Variants in DLGAP2 observed in about 807,000 individuals in gnomAD.
DLGAP2 encodes the protein DLG associated protein 2.
Under a neutral mutation model 100.3 loss-of-function variants are expected in DLGAP2, and 26 were observed. The ratio of observed to expected loss-of-function variants is 0.26; its 90% CI spans 0.19 to 0.36. The LOEUF (loss-of-function observed/expected upper bound fraction) is 0.36. Among genes scored for constraint, DLGAP2 ranks in the 10% least tolerant of loss-of-function variants. The pLI is 1.00. For missense variants in DLGAP2, 1,858 were observed against 1,453.2 expected, an observed-to-expected ratio of 1.28 and a Z score of -4.53; for synonymous variants, 886 against 630.1, an observed-to-expected ratio of 1.41 and a Z score of -6.08.
intron 2 of DLGAP2, among the ~76,000 whole-genome samples, chr8:908,787 A>G (rs995184777): frequency 1.3e-5 from 2 of 152,178 alleles, no homozygotes; most frequent in African/African-American, 2.4e-5. Context: ...TCTAAAAGCA[A>G]TCGTGTGCTG....
At chr8:1,538,052 G>C (rs1336311162) in intron 4 of DLGAP2, among the ~76,000 whole-genome samples, 1 of 152,166 alleles carries the variant, frequency 6.6e-6, no homozygotes, top group African/African-American at 2.4e-5. Context: ...CTGCATTTGA[G>C]GATGAGAAGC....
chr8:975,067 C>T lies in DLGAP2; in HGVS notation c.73+67101C>T, dbSNP rs191677076. Among the ~76,000 whole-genome samples, 68 of 152,226 alleles carry T rather than the reference C, an allele frequency of 4.5e-4. No homozygotes were observed. In the East Asian group the frequency reaches 0.012, roughly 26 times the overall value. On this transcript the variant is annotated intron_variant, in intron 2 of 14. Coordinates refer to ENST00000637795, the MANE Select transcript of DLGAP2 (RefSeq NM_001346810.2). ...CAGAAATGAAAGAAGGGCCATCAGT[C>T]CTGATTCCAGGAACATTAAAAAGAT...
At chr8:967,763 G>A (rs1255837443) in intron 2 of DLGAP2, among the ~76,000 whole-genome samples, 1 of 58,360 alleles carries the variant, frequency 1.7e-5, no homozygotes, top group Admixed American at 2.6e-4. Flanking sequence ...CAACAAAGAG[G>A]TGTATATATA....
intron 3 of DLGAP2, among the ~76,000 whole-genome samples, chr8:1,331,232 A>G (rs562208873): frequency 1.3e-5 from 2 of 152,222 alleles, no homozygotes; most frequent in African/African-American, 2.4e-5. Context: ...AGTTGAAGCC[A>G]TACTGTGTGC....
At chr8:832,475 A>G (rs1251299752) in intron 1 of DLGAP2, among the ~76,000 whole-genome samples, 4 of 152,144 alleles carry the variant, frequency 2.6e-5, no homozygotes, top group East Asian at 1.9e-4. Context: ...TTCTGGATTC[A>G]TTTAGGTGTA....
At chr8:1,454,947 G>A (rs556729454) in intron 3 of DLGAP2, among the ~76,000 whole-genome samples, 7 of 152,200 alleles carry the variant, frequency 4.6e-5, no homozygotes, top group African/African-American at 1.2e-4. Context: ...GAGCTTCCCC[G>A]CCCATCGGGC....
chr8:1,020,924 C>A (rs1801607110), intron 2 of DLGAP2, among the ~76,000 whole-genome samples: 1 of 152,216 alleles, frequency 6.6e-6, no homozygotes, highest in South Asian at 2.1e-4. Context: ...AAATGCTCAT[C>A]TAGGTCTTAA....
intron 1 of DLGAP2, among the ~76,000 whole-genome samples, chr8:791,138 A>C (rs976061046): frequency 5.3e-5 from 8 of 152,378 alleles, no homozygotes; most frequent in African/African-American, 1.7e-4. Context: ...TTTAAAAATA[A>C]TGCAAGCACA....
At chr8:1,530,607 TAA>T (rs1800957942) in intron 4 of DLGAP2, among the ~76,000 whole-genome samples, 1 of 152,178 alleles carries the variant, frequency 6.6e-6, no homozygotes, top group African/African-American at 2.4e-5. Context: ...GGGGAAGTGA[TAA>T]GTGTCCATGA....
At chr8:883,998 C>T (rs1797872470) in intron 1 of DLGAP2, among the ~76,000 whole-genome samples, 1 of 152,220 alleles carries the variant, frequency 6.6e-6, no homozygotes, top group East Asian at 1.9e-4. Context: ...GCATAGTATT[C>T]CATGGTGTAT....
chr8:749,765 G>A (rs554325797), intron 1 of DLGAP2, among the ~76,000 whole-genome samples: 36 of 152,152 alleles, frequency 2.4e-4, no homozygotes, highest in Non-Finnish European at 5.0e-4. Flanking sequence ...CACAGATCGG[G>A]TGCCCGAAAC....
At chr8:943,176 C>G (rs1799233826) in intron 2 of DLGAP2, among the ~76,000 whole-genome samples, 1 of 152,178 alleles carries the variant, frequency 6.6e-6, no homozygotes. Flanking sequence ...TACCAGACCA[C>G]AGGGTAGAGA....
intron 2 of DLGAP2, among the ~76,000 whole-genome samples, chr8:1,023,509 A>C (rs1801687325): frequency 6.6e-6 from 1 of 152,132 alleles, no homozygotes; most frequent in Non-Finnish European, 1.5e-5. Context: ...GTCCTGTTTG[A>C]GGTCCAGCAA....
chr8:1,106,916 G>C lies in DLGAP2; in HGVS notation c.74-151935G>C, dbSNP rs76785913. On this transcript the variant is annotated intron_variant, in intron 2 of 14. Transcript: ENST00000637795. ...ACTCTGTAGAGGATAAGACTCTAAG[G>C]GTTCTAGGAGCAGGATTGCTTCAAC... 1.2e-4 allele frequency among the ~76,000 whole-genome samples: 19 copies of C among 152,286 alleles called. No homozygotes were observed. The East Asian group carries it at 2.7e-3, about 22-fold the overall frequency.
chr8:1,046,583 G>C (rs561007855), intron 2 of DLGAP2, among the ~76,000 whole-genome samples: 72 of 152,346 alleles, frequency 4.7e-4, no homozygotes, highest in Admixed American at 3.9e-4. Flanking sequence ...CCTAATATCT[G>C]TGTTTCCTTC....
chr8:805,562 C>T (rs935752218), intron 1 of DLGAP2, among the ~76,000 whole-genome samples: 3 of 152,202 alleles, frequency 2.0e-5, no homozygotes, highest in African/African-American at 7.2e-5. Context: ...GTTTTGAACT[C>T]CCAGACCACC....
intron 3 of DLGAP2, among the ~76,000 whole-genome samples, chr8:1,334,029 G>A (rs1051265213): frequency 6.6e-5 from 10 of 152,230 alleles, no homozygotes; most frequent in African/African-American, 1.9e-4. Context: ...CTTGCGTGAG[G>A]AAGGCCCACA....
At chr8:915,969 G>A (rs549471528) in intron 2 of DLGAP2, among the ~76,000 whole-genome samples, 2 of 149,246 alleles carry the variant, frequency 1.3e-5, no homozygotes, top group South Asian at 2.1e-4. Context: ...CAGTTCACCC[G>A]TCCGTCCATC....
At chr8:1,433,666 C>T (rs375643115) in intron 3 of DLGAP2, among the ~76,000 whole-genome samples, 6 of 151,570 alleles carry the variant, frequency 4.0e-5, no homozygotes, top group African/African-American at 7.3e-5. Context: ...TTTGGCAAAC[C>T]ACTGAACACT....
Sources: allele counts gnomAD v4.1 joint callset (sites outside exome capture counted in the v4.1 genomes callset), GRCh38; gene constraint gnomAD v4.1.1; transcripts MANE v1.5; gene names NCBI Gene and HGNC (gene_info 2026-07-23, HGNC 2026-07-21).